NELL1: variants seen among roughly 807,000 people sequenced by gnomAD.
NELL1 encodes the protein protein kinase C-binding protein NELL1.
In NELL1, 76 loss-of-function variants were observed where a neutral mutation model predicts 107.4. That is an observed-to-expected ratio of 0.71 (90% CI 0.59 to 0.86). The LOEUF is 0.86. Among genes scored for constraint, NELL1 ranks in the 40% least tolerant of loss-of-function variants. NELL1 has a pLI of 0.00. For synonymous variants in NELL1, 353 were observed against 341.2 expected (o/e 1.03, Z -0.38); for missense variants, 1,024 against 1,005.5 (o/e 1.02, Z -0.25).
chr11:20,708,303 G>A (rs982097530), intron 2 of NELL1, among the ~76,000 whole-genome samples: 2 of 152,176 alleles, frequency 1.3e-5, no homozygotes, highest in African/African-American at 2.4e-5. Flanking sequence ...CGGGTGAGGC[G>A]ATGCCCCGCC....
intron 2 of NELL1, among the ~76,000 whole-genome samples, chr11:20,743,880 C>A (rs895460983): frequency 1.3e-5 from 2 of 152,138 alleles, no homozygotes; most frequent in Non-Finnish European, 2.9e-5. Context: ...CCAAAACTAT[C>A]CACTCTCCTC....
intron 13 of NELL1, among the ~76,000 whole-genome samples, chr11:21,174,219 T>C (rs866122165): frequency 2.0e-5 from 3 of 151,838 alleles, no homozygotes; most frequent in African/African-American, 7.3e-5. Context: ...ATTAGATAAC[T>C]AATATACAAG....
At chr11:21,077,359 A>G (rs912125197) in intron 12 of NELL1, among the ~76,000 whole-genome samples, 4 of 152,202 alleles carry the variant, frequency 2.6e-5, no homozygotes, top group African/African-American at 9.6e-5. Context: ...ATGCTATAAA[A>G]AGCCAATAAG....
intron 2 of NELL1, among the ~76,000 whole-genome samples, chr11:20,685,742 T>C (rs1854291657): frequency 6.6e-6 from 1 of 152,112 alleles, no homozygotes. Context: ...CCCTCATGTG[T>C]ATCATCTGCC....
chr11:21,300,103 A>G (rs1849462130), intron 14 of NELL1, among the ~76,000 whole-genome samples: 1 of 152,010 alleles, frequency 6.6e-6, no homozygotes, highest in Non-Finnish European at 1.5e-5. Flanking sequence ...AAAACAAAAC[A>G]GCTGTTGTGA....
chr11:21,574,472 A>G (rs1013796160), intron 19 of NELL1, among the ~76,000 whole-genome samples: 4 of 151,844 alleles, frequency 2.6e-5, no homozygotes, highest in African/African-American at 7.2e-5. Context: ...TAATGAATTT[A>G]TAAGTATTTA....
chr11:21,188,461 G>A (rs1162344021), intron 13 of NELL1, among the ~76,000 whole-genome samples: 1 of 144,234 alleles, frequency 6.9e-6, no homozygotes, highest in Non-Finnish European at 1.5e-5. Flanking sequence ...GCTTGGACAT[G>A]TAAAGACTTT....
chr11:20,786,529 G>T (rs924449884), intron 3 of NELL1, among the ~76,000 whole-genome samples: 5 of 151,960 alleles, frequency 3.3e-5, no homozygotes, highest in African/African-American at 1.2e-4. Flanking sequence ...ACCAAAGTGT[G>T]TTGGCAGTGG....
intron 12 of NELL1, among the ~76,000 whole-genome samples, chr11:21,022,085 C>G (rs1194239689): frequency 6.6e-6 from 1 of 152,078 alleles, no homozygotes; most frequent in Non-Finnish European, 1.5e-5. Context: ...CAAATATTCC[C>G]TGGGAAGCAA....
chr11:21,489,927 T>C (rs1050649239), intron 15 of NELL1, among the ~76,000 whole-genome samples: 1 of 152,014 alleles, frequency 6.6e-6, no homozygotes, highest in African/African-American at 2.4e-5. Context: ...CTATTTATCA[T>C]AGTACTGGGA....
At chr11:21,149,553 C>G (rs993186137) in intron 13 of NELL1, among the ~76,000 whole-genome samples, 2 of 152,192 alleles carry the variant, frequency 1.3e-5, no homozygotes, top group African/African-American at 4.8e-5. Flanking sequence ...TCCCCTGCCC[C>G]ACATGATTCA....
At chr11:21,174,294 A>G (rs982306579) in intron 13 of NELL1, among the ~76,000 whole-genome samples, 1 of 151,860 alleles carries the variant, frequency 6.6e-6, no homozygotes, top group Non-Finnish European at 1.5e-5. Flanking sequence ...CCTGCTTACT[A>G]AATTCTATAT....
At chr11:21,043,166 T>G (rs563076511) in intron 12 of NELL1, among the ~76,000 whole-genome samples, 1 of 152,146 alleles carries the variant, frequency 6.6e-6, no homozygotes, top group South Asian at 2.1e-4. Context: ...GTGTGGGCAA[T>G]GAGAGTACTG....
intron 15 of NELL1, among the ~76,000 whole-genome samples, chr11:21,418,343 G>T (rs1229894999): frequency 6.6e-6 from 1 of 152,108 alleles, no homozygotes; most frequent in African/African-American, 2.4e-5. Flanking sequence ...TTCAGGCCTT[G>T]ATGGCTATAT....
At chr11:20,834,835 AT>A (rs1276928672) in intron 3 of NELL1, among the ~76,000 whole-genome samples, 1 of 152,154 alleles carries the variant, frequency 6.6e-6, no homozygotes, top group Non-Finnish European at 1.5e-5. Context: ...AAGAAAACAA[AT>A]TTTGCATAAC....
At chr11:21,573,146 A>G in intron 18 of NELL1, 39 bp from the exon 19 acceptor site, 10 of 1,499,776 alleles carry the variant, frequency 6.7e-6, no homozygotes, top group Non-Finnish European at 8.3e-6. Flanking sequence ...AATTATGCAT[A>G]GGAACAATAA....
At chr11:21,402,483 A>G (rs1202888885) in intron 15 of NELL1, among the ~76,000 whole-genome samples, 1 of 151,786 alleles carries the variant, frequency 6.6e-6, no homozygotes, top group Non-Finnish European at 1.5e-5. Flanking sequence ...TGTGTCAGCC[A>G]TTGCTTGAGT....
At chr11:20,842,332 G>A (rs968582874) in intron 3 of NELL1, among the ~76,000 whole-genome samples, 1 of 151,222 alleles carries the variant, frequency 6.6e-6, no homozygotes, top group African/African-American at 2.4e-5. Flanking sequence ...GAGCCAAGAT[G>A]GTGCCACTAC....
At chr11:21,107,208 G>A (rs1854990456) in intron 12 of NELL1, among the ~76,000 whole-genome samples, 1 of 151,788 alleles carries the variant, frequency 6.6e-6, no homozygotes, top group Non-Finnish European at 1.5e-5. Context: ...ATATTTTTTG[G>A]GTTTGGACAA....
Sources: allele counts gnomAD v4.1 joint callset (sites outside exome capture counted in the v4.1 genomes callset), GRCh38; gene constraint gnomAD v4.1.1; transcripts MANE v1.5; gene names NCBI Gene and HGNC (gene_info 2026-07-23, HGNC 2026-07-21).